Variants in STPG2 observed in about 807,000 individuals in gnomAD.
STPG2 encodes sperm-tail PG-rich repeat-containing protein 2.
A neutral mutation model predicts 54.2 loss-of-function variants in STPG2; 56 were observed. The ratio of observed to expected loss-of-function variants is 1.03; its 90% CI spans 0.83 to 1.29. STPG2 has a LOEUF of 1.29. Ranked by LOEUF, STPG2 falls within the 50% of genes most tolerant of loss-of-function variation. The pLI is 0.00. For missense variants in STPG2, 596 were observed against 544.9 expected (o/e 1.09, Z -0.93); for synonymous variants, 200 against 181.8 (o/e 1.10, Z -0.81).
At chr4:97,985,979 C>T (rs558712852) in intron 5 of STPG2, among the ~76,000 whole-genome samples, 34 of 152,148 alleles carry the variant, frequency 2.2e-4, no homozygotes, top group African/African-American at 7.7e-4. Context: ...CATACACACA[C>T]ACAGAAAATA....
chr4:97,471,794 CAATATG>C (rs1729942996), intron 4 of STPG2, among the ~76,000 whole-genome samples: 2 of 152,100 alleles, frequency 1.3e-5, no homozygotes, highest in East Asian at 3.9e-4. Flanking sequence ...ATTATAAATA[CAATATG>C]AATGGAATTT....
chr4:98,008,092 G>T (rs1735626380), intron 5 of STPG2, among the ~76,000 whole-genome samples: 2 of 151,936 alleles, frequency 1.3e-5, no homozygotes, highest in African/African-American at 4.8e-5. Context: ...GATAGAAGAG[G>T]CCCAAAGAAC....
At chr4:97,899,397 C>A (rs897501648) in intron 8 of STPG2, among the ~76,000 whole-genome samples, 6 of 151,974 alleles carry the variant, frequency 3.9e-5, no homozygotes, top group Admixed American at 3.9e-4. Context: ...GCCATACTGC[C>A]CAAAGCAATT....
At chr4:97,667,976 A>C (rs1402903700) in intron 10 of STPG2, among the ~76,000 whole-genome samples, 1 of 152,224 alleles carries the variant, frequency 6.6e-6, no homozygotes, top group Non-Finnish European at 1.5e-5. Context: ...TGATTTATTT[A>C]TATAACAGGA....
intron 8 of STPG2, among the ~76,000 whole-genome samples, chr4:97,867,332 T>A (rs1268652087): frequency 6.6e-6 from 1 of 151,974 alleles, no homozygotes; most frequent in Non-Finnish European, 1.5e-5. Flanking sequence ...CACCACTGAA[T>A]CTGAGAAGTC....
At position 97,692,285 on chromosome 4, in the gene STPG2, T is replaced by C. The variant is rs186437250; in HGVS notation, c.1320+20414A>G. On this transcript the variant is annotated intron_variant, in intron 10 of 10. Coordinates refer to ENST00000295268, the MANE Select transcript of STPG2 (RefSeq NM_174952.3). ...GCCCAGCTTAAAGAAATCAAAAAGA[T>C]GATACAGGATATGAAAAAAAAAAAA... Among the ~76,000 whole-genome samples, 645 of 92,180 alleles carry C rather than the reference T, an allele frequency of 7.0e-3. 5 individuals carry two copies. Among genetic ancestry groups the C allele is most frequent in the Non-Finnish European group, 0.011 (508 of 45,648 alleles). The allele number at this position is 92,180 out of a possible 152,430, so 60.5% of individuals were successfully genotyped here.
intron 9 of STPG2, among the ~76,000 whole-genome samples, chr4:97,829,258 A>T (rs1728363416): frequency 6.6e-6 from 1 of 152,094 alleles, no homozygotes; most frequent in African/African-American, 2.4e-5. Context: ...ACTCCAGAAA[A>T]CTCCAGCAGA....
intron 10 of STPG2, among the ~76,000 whole-genome samples, chr4:97,571,460 A>G (rs1196882898): frequency 1.3e-5 from 2 of 152,138 alleles, no homozygotes; most frequent in Non-Finnish European, 2.9e-5. Flanking sequence ...CTGATAAGGA[A>G]CATTTTACAA....
chr4:97,746,839 T>A (rs1490775582), intron 9 of STPG2, among the ~76,000 whole-genome samples: 1 of 151,124 alleles, frequency 6.6e-6, no homozygotes, highest in Non-Finnish European at 1.5e-5. Context: ...AGCTAAAATA[T>A]CCCTCTGCAT....
At chr4:97,842,892 T>A (rs532978673) in intron 8 of STPG2, among the ~76,000 whole-genome samples, 1 of 151,912 alleles carries the variant, frequency 6.6e-6, no homozygotes, top group Non-Finnish European at 1.5e-5. Context: ...CTCTTCCTAC[T>A]CATCTTAAAT....
At chr4:97,617,070 C>T (rs181587929) in intron 10 of STPG2, among the ~76,000 whole-genome samples, 84 of 151,956 alleles carry the variant, frequency 5.5e-4, no homozygotes, top group African/African-American at 2.0e-3. Flanking sequence ...TCTCTTGTAG[C>T]AGAAAATGAA....
intron 4 of STPG2, among the ~76,000 whole-genome samples, chr4:97,466,807 A>G (rs1019972599): frequency 2.6e-5 from 4 of 151,988 alleles, no homozygotes; most frequent in Non-Finnish European, 5.9e-5. Flanking sequence ...GAAACTAGTG[A>G]TCTTTCTCCA....
chr4:97,712,530 C>A (rs1025539753), intron 10 of STPG2, among the ~76,000 whole-genome samples, 169 bp downstream of exon 10: 12 of 151,934 alleles, frequency 7.9e-5, no homozygotes, highest in African/African-American at 2.7e-4. Flanking sequence ...TTAAATAATT[C>A]TTTTTAAATG....
chr4:97,472,786 A>G (rs959063284), intron 4 of STPG2, among the ~76,000 whole-genome samples: 29 of 152,192 alleles, frequency 1.9e-4, no homozygotes, highest in African/African-American at 7.0e-4. Context: ...CATTCTGGAA[A>G]AGATAAAACT....
intron 8 of STPG2, among the ~76,000 whole-genome samples, chr4:97,908,090 A>C (rs867142713): frequency 1.5e-3 from 223 of 151,632 alleles, no homozygotes; most frequent in African/African-American, 3.8e-3. Context: ...CAACCTACAA[A>C]ATGGGAGAAA....
At chr4:98,139,185 G>A (rs1740213022) in intron 1 of STPG2, among the ~76,000 whole-genome samples, 1 of 152,122 alleles carries the variant, frequency 6.6e-6, no homozygotes, top group Non-Finnish European at 1.5e-5. Context: ...AAATTCCTGG[G>A]TAGGAGAGAT....
rs563117633 is a variant in STPG2 at position 97,527,205 on chromosome 4, T to C, written c.462+185494A>G. Among the ~76,000 whole-genome samples, 369 of 152,222 alleles carry C rather than the reference T, an allele frequency of 2.4e-3. 1 individual carries two copies. Among genetic ancestry groups the C allele is most frequent in the African/African-American group, 8.5e-3 (355 of 41,524 alleles). On this transcript the variant is annotated intron_variant, in intron 4 of 4. Transcript: ENST00000522676. ...TGATGTTCCCTTCCCTGTGTCCATGTGTTCTCATTGTTCAACTCCCACTTA... is the reference window on the plus strand; with the variant it reads ...TGATGTTCCCTTCCCTGTGTCCATGCGTTCTCATTGTTCAACTCCCACTTA...
intron 4 of STPG2, among the ~76,000 whole-genome samples, chr4:97,519,315 G>C (rs1217985575): frequency 2.6e-5 from 4 of 152,080 alleles, no homozygotes; most frequent in Admixed American, 2.6e-4. Flanking sequence ...ATCCAGAGTG[G>C]AGGACATCAG....
At chr4:98,016,699 T>C (rs1184082419) in intron 5 of STPG2, among the ~76,000 whole-genome samples, 2 of 152,226 alleles carry the variant, frequency 1.3e-5, no homozygotes, top group Non-Finnish European at 2.9e-5. Flanking sequence ...CTGTGTTCTC[T>C]TGTAGCTCAC....
Sources: allele counts gnomAD v4.1 joint callset (sites outside exome capture counted in the v4.1 genomes callset), GRCh38; gene constraint gnomAD v4.1.1; transcripts MANE v1.5; gene names NCBI Gene and HGNC (gene_info 2026-07-23, HGNC 2026-07-21).